SPOCK3: variants seen among roughly 807,000 people sequenced by gnomAD.
SPOCK3 encodes SPARC (osteonectin), cwcv and kazal like domains proteoglycan 3.
A neutral mutation model predicts 56.6 loss-of-function variants in SPOCK3; 30 were observed. That is an observed-to-expected ratio of 0.53 (90% confidence interval 0.40 to 0.72). The LOEUF is 0.72. SPOCK3 is among the 30% of genes least tolerant of loss of function. The pLI is 0.00. For synonymous variants in SPOCK3, 196 were observed against 183.3 expected (o/e 1.07, Z -0.56); for missense variants, 527 against 530.0 (o/e 0.99, Z 0.06).
rs1304066432 is a variant in SPOCK3, at chr4:167,101,064, T to C, written c.190-38527A>G. On this transcript the variant is annotated intron_variant, in intron 2 of 10. Transcript: ENST00000357545. Reference sequence around the variant, plus strand: ...TCTTTAGTCTCGACATTCTCATTAATATTTTTCACTAATTGAAACTGGCTC... The same window carrying C: ...TCTTTAGTCTCGACATTCTCATTAACATTTTTCACTAATTGAAACTGGCTC... Among the ~76,000 whole-genome samples, 3 of 152,284 alleles carry C rather than the reference T, an allele frequency of 2.0e-5. No homozygotes were observed. The East Asian group carries it at 5.8e-4, about 29-fold the overall frequency.
intron 7 of SPOCK3, among the ~76,000 whole-genome samples, chr4:166,765,413 A>T (rs1386871327): frequency 6.6e-6 from 1 of 152,194 alleles, no homozygotes; most frequent in Non-Finnish European, 1.5e-5. Context: ...ATGGCTAGCC[A>T]GTTTTCCCAG....
chr4:167,035,245 T>C (rs1305675376), intron 3 of SPOCK3, among the ~76,000 whole-genome samples: 1 of 152,118 alleles, frequency 6.6e-6, no homozygotes, highest in Non-Finnish European at 1.5e-5. Context: ...GTAGCAGTAC[T>C]TTTTTGTTGT....
intron 3 of SPOCK3, among the ~76,000 whole-genome samples, chr4:167,006,025 C>T (rs1456960738): frequency 1.3e-5 from 2 of 152,068 alleles, no homozygotes; most frequent in South Asian, 2.1e-4. Flanking sequence ...CTATACACAT[C>T]CGTTCTAAGC....
At chr4:166,988,532 T>C (rs1239157653) in intron 4 of SPOCK3, among the ~76,000 whole-genome samples, 5 of 152,166 alleles carry the variant, frequency 3.3e-5, no homozygotes, top group Non-Finnish European at 7.4e-5. Flanking sequence ...TCTATAGTGA[T>C]ACCAAGACAG....
At chr4:167,159,278 T>C (rs1024623548) in intron 2 of SPOCK3, among the ~76,000 whole-genome samples, 51 of 152,096 alleles carry the variant, frequency 3.4e-4, no homozygotes, top group African/African-American at 1.0e-3. Context: ...TAATATATGA[T>C]TGTGATAGGG....
chr4:167,183,929 T>G (rs935686143), intron 2 of SPOCK3, among the ~76,000 whole-genome samples: 1 of 152,154 alleles, frequency 6.6e-6, no homozygotes, highest in South Asian at 2.1e-4. Flanking sequence ...TCATAAAACA[T>G]TGATTGAAAA....
intron 2 of SPOCK3, among the ~76,000 whole-genome samples, chr4:167,190,701 G>A (rs1428232431): frequency 4.1e-5 from 6 of 145,576 alleles, no homozygotes; most frequent in East Asian, 2.1e-4. Flanking sequence ...AAATGTCAAG[G>A]AGCCTTGTTC....
chr4:166,775,291 A>G (rs147977719), intron 7 of SPOCK3, among the ~76,000 whole-genome samples: 7 of 152,246 alleles, frequency 4.6e-5, no homozygotes, highest in African/African-American at 1.7e-4. Flanking sequence ...TGTCACAGTA[A>G]AAACTTGCCT....
chr4:167,086,084 G>T (rs1040974492), intron 2 of SPOCK3, among the ~76,000 whole-genome samples: 1 of 151,850 alleles, frequency 6.6e-6, no homozygotes, highest in Non-Finnish European at 1.5e-5. Context: ...TTCTTTATCT[G>T]TTTCAACCAT....
intron 4 of SPOCK3, among the ~76,000 whole-genome samples, chr4:166,971,284 C>T (rs1745352963): frequency 1.3e-5 from 2 of 152,018 alleles, no homozygotes; most frequent in South Asian, 4.1e-4. Context: ...CCCCATGTTC[C>T]AATGTGTCAC....
intron 2 of SPOCK3, among the ~76,000 whole-genome samples, chr4:167,092,468 A>C (rs1758788088): frequency 6.6e-6 from 1 of 152,062 alleles, no homozygotes; most frequent in Non-Finnish European, 1.5e-5. Flanking sequence ...CCTCTGAATT[A>C]TTGCATTGAT....
intron 4 of SPOCK3, among the ~76,000 whole-genome samples, chr4:166,920,099 T>A (rs1173396151): frequency 6.6e-6 from 1 of 152,162 alleles, no homozygotes; most frequent in Non-Finnish European, 1.5e-5. Context: ...TGCGTACAAT[T>A]CATAAATATG....
chr4:166,746,028 A>G (rs1479196530), intron 8 of SPOCK3, among the ~76,000 whole-genome samples: 2 of 152,162 alleles, frequency 1.3e-5, no homozygotes, highest in Non-Finnish European at 2.9e-5. Flanking sequence ...ACTCCCACAC[A>G]ATAATAATGG....
intron 6 of SPOCK3, among the ~76,000 whole-genome samples, chr4:166,807,563 G>T (rs1368615271): frequency 1.3e-5 from 2 of 152,098 alleles, no homozygotes; most frequent in East Asian, 1.9e-4. Context: ...TTTATTCAAT[G>T]ATGTGAAGTC....
intron 4 of SPOCK3, among the ~76,000 whole-genome samples, chr4:166,988,080 C>T (rs1359088840): frequency 6.6e-6 from 1 of 151,916 alleles, no homozygotes; most frequent in Non-Finnish European, 1.5e-5. Flanking sequence ...AAACATATTA[C>T]ACAAAGCAAT....
intron 8 of SPOCK3, among the ~76,000 whole-genome samples, chr4:166,743,287 A>G (rs1433645434): frequency 6.6e-6 from 1 of 152,076 alleles, no homozygotes; most frequent in Non-Finnish European, 1.5e-5. Context: ...GAAAAAGGCA[A>G]AGTATATTAA....
At chr4:167,069,842 T>C (rs897923707) in intron 2 of SPOCK3, among the ~76,000 whole-genome samples, 1 of 151,956 alleles carries the variant, frequency 6.6e-6, no homozygotes, top group Non-Finnish European at 1.5e-5. Context: ...AGGAATCATG[T>C]AGCAACTTGG....
intron 7 of SPOCK3, among the ~76,000 whole-genome samples, chr4:166,767,902 G>T (rs1420207513): frequency 6.6e-6 from 1 of 152,144 alleles, no homozygotes; most frequent in African/African-American, 2.4e-5. Flanking sequence ...ATTTAAGATA[G>T]TTAGCTCTTT....
Position 167,009,100 on chromosome 4 carries a change from CTATT to C in SPOCK3, c.236-8641_236-8638del, listed in dbSNP as rs530429912. On this transcript the variant is annotated intron_variant, in intron 3 of 10. Coordinates refer to ENST00000357545, the MANE Select transcript of SPOCK3 (RefSeq NM_001040159.2). ...CTTCATATCATATTTACATGATAAT[CTATT>C]TATCCTTCAATAATGTCTGTCCCAT... Among the ~76,000 whole-genome samples, 20 of 152,182 alleles carry C rather than the reference CTATT, an allele frequency of 1.3e-4. No homozygotes were observed. In the South Asian group the frequency reaches 3.5e-3, roughly 27 times the overall value.
Sources: gnomAD v4.1 joint callset for allele counts (sites outside exome capture counted in the v4.1 genomes callset) on GRCh38, gnomAD v4.1.1 for gene constraint, MANE v1.5 for transcripts, NCBI Gene and HGNC (gene_info 2026-07-23, HGNC 2026-07-21) for gene names.